The following PLA2R1 variants were observed in gnomAD, a reference collection of about 807,000 sequenced individuals.
PLA2R1 encodes secretory phospholipase A2 receptor.
Under a neutral mutation model 195.9 loss-of-function variants are expected in PLA2R1, and 158 were observed. The observed-to-expected ratio is 0.81, with a 90% CI of 0.71 to 0.92. The LOEUF (loss-of-function observed/expected upper bound fraction) is 0.92. Among genes scored for constraint, PLA2R1 ranks in the 40% least tolerant of loss-of-function variants. The pLI, the probability that PLA2R1 is intolerant of heterozygous loss-of-function variation, is 0.00. For missense variants in PLA2R1, 1,626 were observed against 1,764.6 expected (o/e 0.92, Z 1.41); for synonymous variants, 586 against 598.2 (o/e 0.98, Z 0.30).
At chr2:160,015,884 G>C (rs1692707457) in intron 9 of PLA2R1, among the ~76,000 whole-genome samples, 1 of 152,164 alleles carries the variant, frequency 6.6e-6, no homozygotes, top group South Asian at 2.1e-4. Context: ...ATAAAGACCA[G>C]GTCTGGAAAA....
intron 28 of PLA2R1, among the ~76,000 whole-genome samples, chr2:159,942,719 G>A (rs1687155692): frequency 6.6e-6 from 1 of 152,126 alleles, no homozygotes. Flanking sequence ...GAGAGTTTCT[G>A]TTTTAAAACT....
chr2:160,003,041 T>A (rs1691711388), intron 11 of PLA2R1, among the ~76,000 whole-genome samples: 1 of 152,072 alleles, frequency 6.6e-6, no homozygotes, highest in Non-Finnish European at 1.5e-5. Context: ...TAGTGCCATA[T>A]TGGCAGGGAA....
chr2:160,026,411 T>C (rs1402276229), intron 6 of PLA2R1, among the ~76,000 whole-genome samples: 2 of 152,200 alleles, frequency 1.3e-5, no homozygotes, highest in Non-Finnish European at 2.9e-5. Flanking sequence ...CTCTGATGAC[T>C]TCCTTTAAAA....
In PLA2R1 at chr2:159,976,068, C is replaced by T. The variant is rs543739690; in HGVS notation, c.2595G>A (p.Ala865=). The change falls in exon 17 of 30, where the codon GCG becomes GCA. Residue 865 remains alanine, a splice_region_variant and synonymous_variant. Transcript: ENST00000283243. ...EQEFIHSKIK[A]LSKYGASWWI... The stretch of plus-strand genomic sequence containing the variant: ...TTCGTGGTGAGTTATGTTCAAGTAC[C>T]GCTTTTATTTTGCTGTGGATGAATT... 14 of 1,611,046 alleles carry T rather than the reference C, an allele frequency of 8.7e-6. No homozygotes were observed. The highest frequency in any genetic ancestry group is 6.7e-5 in the East Asian group (3 of 44,698).
chr2:159,987,172 A>G lies in PLA2R1; in HGVS notation c.2021T>C (p.Leu674Pro), dbSNP rs770618032. ...CYLDWESEPG[L>P]ASCFKVFHSE... ...TGGTATCACCTTGAAGCAACTGGCC[A>G]GACCAGGCTCTGACTCCCAGTCCAA... is the stretch of plus-strand genomic sequence containing the variant. Residue 674 changes from leucine to proline, a missense_variant, in exon 12 of 30, where the codon CTG becomes CCG. By Grantham distance (98) the Leu-to-Pro change is moderately conservative (BLOSUM62 -3). Coordinates refer to ENST00000283243, the MANE Select transcript of PLA2R1 (RefSeq NM_007366.5). The G allele has an allele frequency of 2.5e-5, 41 of 1,613,520 alleles. No individual in the cohort carries two copies. The highest frequency in any genetic ancestry group is 3.3e-5 in the Non-Finnish European group (39 of 1,179,530).
the PLA2R1 span, among the ~76,000 whole-genome samples, chr2:159,924,000 T>C: frequency 7.4e-5 from 11 of 149,606 alleles, no homozygotes; most frequent in Middle Eastern, 3.4e-3. Context: ...TCAGGTATCA[T>C]TGGGTTGAAA....
At chr2:159,955,042 TTAAA>T (rs1687993968) in intron 23 of PLA2R1, among the ~76,000 whole-genome samples, 153 bp downstream of exon 23, 1 of 152,116 alleles carries the variant, frequency 6.6e-6, no homozygotes, top group South Asian at 2.1e-4. Context: ...GTAGAGGAGA[TTAAA>T]TAACTAAACT....
intron 1 of PLA2R1, among the ~76,000 whole-genome samples, chr2:160,060,326 T>G (rs1412680705): frequency 6.6e-6 from 1 of 152,202 alleles, no homozygotes; most frequent in East Asian, 1.9e-4. Flanking sequence ...AACTTCCACA[T>G]CTGAAGAATA....
chr2:160,059,572 C>T lies in PLA2R1; in HGVS notation c.109+2723G>A, dbSNP rs4665146. Among the ~76,000 whole-genome samples the T allele has an allele frequency of 1.6e-3, 245 of 152,170 alleles. 1 individual carries two copies. Among genetic ancestry groups the T allele is most frequent in the African/African-American group, 5.4e-3 (226 of 41,500 alleles). ...GCATAGTCAGGATTTGAACTCAGAT[C>T]GTCTAGCTCTGAAGCCCGAGAACTT... On this transcript the variant is annotated intron_variant, in intron 1 of 29. Coordinates refer to ENST00000283243, the MANE Select transcript of PLA2R1 (RefSeq NM_007366.5).
In PLA2R1 at chr2:159,956,498, T is replaced by C; in HGVS notation, c.3022+12A>G. ...TGGTTATCTTGGCCTGGTTGGATCT[T>C]GAGTACTCTACCTTGCTCCACCTCA... is the stretch of plus-strand genomic sequence containing the variant. On this transcript the variant is annotated intron_variant, in intron 21 of 29. Transcript: ENST00000283243. 1 of 1,430,862 alleles carries C rather than the reference T, an allele frequency of 7.0e-7. No homozygotes were observed. Among genetic ancestry groups the C allele is most frequent in the Non-Finnish European group, 9.9e-7 (1 of 1,012,694 alleles). The allele number at this position is 1,430,862 out of a possible 1,614,324, so 88.6% of individuals were successfully genotyped here.
rs1172021843 is a variant in PLA2R1 at position 160,028,295 on chromosome 2, C to T, written c.1022G>A (p.Trp341Ter). ...GGTGGACTCACAATCCCGACTCCTCCAGGCACTTGGCATAAATGAACTAAA... is the reference window on the plus strand; with the variant it reads ...GGTGGACTCACAATCCCGACTCCTCTAGGCACTTGGCATAAATGAACTAAA... ...GTFSSFMPSA[W>*]RSRDCESTLP... is the part of the protein sequence containing the mutation. Residue 341 changes from tryptophan to a stop codon, truncating the protein, a stop_gained, in exon 6 of 30, where the codon TGG becomes TAG. Coordinates refer to ENST00000283243, the MANE Select transcript of PLA2R1 (RefSeq NM_007366.5). LOFTEE classifies it high-confidence loss of function. 6.2e-7 allele frequency: 1 copy of T among 1,605,562 alleles called. No homozygotes were observed. The highest frequency in any genetic ancestry group is 2.2e-5 in the East Asian group (1 of 44,784).
At position 159,944,887 on chromosome 2, in the gene PLA2R1, ACTCT is replaced by A; in HGVS notation, c.4144+15_4144+18del. 6.3e-7 allele frequency: 1 copy of A among 1,581,640 alleles called. No homozygotes were observed. The highest frequency in any genetic ancestry group is 8.7e-7 in the Non-Finnish European group (1 of 1,151,914). On this transcript the variant is annotated intron_variant, in intron 28 of 29. Coordinates refer to ENST00000283243, the MANE Select transcript of PLA2R1 (RefSeq NM_007366.5). ...TAAGGTAGAATCAAAATGAAGAATT[ACTCT>A]CTGACTTTACCTACCTGCCTCCATT...
chr2:159,989,028 G>A (rs1690561085), intron 11 of PLA2R1, among the ~76,000 whole-genome samples: 1 of 152,182 alleles, frequency 6.6e-6, no homozygotes, highest in Non-Finnish European at 1.5e-5. Flanking sequence ...CCTCTGTGAT[G>A]AATCAGAGAC....
intron 26 of PLA2R1, among the ~76,000 whole-genome samples, 157 bp from the exon 27 acceptor site, chr2:159,947,074 T>C (rs1358582015): frequency 6.6e-6 from 1 of 152,230 alleles, no homozygotes; most frequent in Non-Finnish European, 1.5e-5. Flanking sequence ...AAAACCACAT[T>C]TTTTAAAAGA....
At chr2:160,012,294 A>G (rs1692415353) in intron 10 of PLA2R1, among the ~76,000 whole-genome samples, 2 of 152,184 alleles carry the variant, frequency 1.3e-5, no homozygotes, top group Non-Finnish European at 2.9e-5. Flanking sequence ...TGTCTTCCCC[A>G]GGAGGAGTGG....
At chr2:159,924,574 T>C in the PLA2R1 span, among the ~76,000 whole-genome samples, 1 of 152,116 alleles carries the variant, frequency 6.6e-6, no homozygotes, top group South Asian at 2.1e-4. Context: ...CAAAGATTCA[T>C]AAAAATGAAA....
intron 3 of PLA2R1, among the ~76,000 whole-genome samples, chr2:160,037,251 A>G (rs1694220680): frequency 6.6e-6 from 1 of 152,196 alleles, no homozygotes. Flanking sequence ...CCTTAAATAT[A>G]TATTTTTAAA....
intron 3 of PLA2R1, among the ~76,000 whole-genome samples, chr2:160,034,498 T>C (rs17241282): frequency 0.31 from 47,037 of 152,156 alleles, 9,086 homozygotes; most frequent in Non-Finnish European, 0.43. Flanking sequence ...AAGATTGTTT[T>C]CAGTTAAAAT....
intron 3 of PLA2R1, among the ~76,000 whole-genome samples, chr2:160,039,467 T>C (rs1331591702): frequency 6.6e-6 from 1 of 152,188 alleles, no homozygotes; most frequent in East Asian, 1.9e-4. Flanking sequence ...TTTGCTCATT[T>C]ACAATCAACT....
Sources: allele counts gnomAD v4.1 joint callset (sites outside exome capture counted in the v4.1 genomes callset), GRCh38; gene constraint gnomAD v4.1.1; transcripts MANE v1.5; gene names NCBI Gene and HGNC (gene_info 2026-07-23, HGNC 2026-07-21).